CDKAL1: variants seen among roughly 807,000 people sequenced by gnomAD.
The protein encoded by CDKAL1 is CDKAL1 threonylcarbamoyladenosine tRNA methylthiotransferase, also known as threonylcarbamoyladenosine tRNA methylthiotransferase.
Under a neutral mutation model 68.2 loss-of-function variants are expected in CDKAL1, and 32 were observed. The ratio of observed to expected loss-of-function variants is 0.47; its 90% CI spans 0.35 to 0.63. CDKAL1 has a LOEUF of 0.63. Ranked by LOEUF, CDKAL1 falls within the 30% of genes least tolerant of loss-of-function variation. CDKAL1 has a pLI of 0.00. For missense variants in CDKAL1, 606 were observed against 696.7 expected, an observed-to-expected ratio of 0.87 and a Z score of 1.47; for synonymous variants, 234 against 244.3, an observed-to-expected ratio of 0.96 and a Z score of 0.39.
intron 8 of CDKAL1, among the ~76,000 whole-genome samples, chr6:20,789,228 G>A (rs958327472): frequency 2.6e-5 from 4 of 152,044 alleles, no homozygotes; most frequent in Non-Finnish European, 5.9e-5. Flanking sequence ...TGTCTTCAAC[G>A]GAATCCCAAA....
chr6:20,740,931 A>G (rs1262286945), intron 6 of CDKAL1, among the ~76,000 whole-genome samples: 1 of 152,210 alleles, frequency 6.6e-6, no homozygotes, highest in East Asian at 1.9e-4. Context: ...CTGCTGTGGT[A>G]GGGAAATAGG....
At chr6:20,542,214 A>G (rs1266265403) in intron 2 of CDKAL1, among the ~76,000 whole-genome samples, 4 of 152,244 alleles carry the variant, frequency 2.6e-5, no homozygotes, top group South Asian at 2.1e-4. Flanking sequence ...ATGGGAATCC[A>G]GCAAATGAGA....
At chr6:21,016,803 T>C (rs1051124535) in intron 11 of CDKAL1, among the ~76,000 whole-genome samples, 6 of 152,180 alleles carry the variant, frequency 3.9e-5, no homozygotes, top group Non-Finnish European at 5.9e-5. Context: ...AAATGACTCA[T>C]GTCTAACTTC....
chr6:20,639,920 T>G (rs1232332205), intron 4 of CDKAL1, among the ~76,000 whole-genome samples: 1 of 152,246 alleles, frequency 6.6e-6, no homozygotes, highest in African/African-American at 2.4e-5. Flanking sequence ...CCGCCCGCCT[T>G]GGCCTCCCAG....
chr6:20,988,182 A>ATGTGTGTGTGTGTGTGTGTG (rs58720900), intron 10 of CDKAL1, among the ~76,000 whole-genome samples: 88 of 137,498 alleles, frequency 6.4e-4, no homozygotes, highest in East Asian at 2.2e-3. Context: ...GAAACATAAT[A>ATGTGTGTGTGTGTGTGTGTG]TGTGTGTGTG....
intron 5 of CDKAL1, among the ~76,000 whole-genome samples, chr6:20,720,030 T>G (rs1772269988): frequency 6.6e-6 from 1 of 152,212 alleles, no homozygotes; most frequent in Non-Finnish European, 1.5e-5. Flanking sequence ...ACCTGTAGCC[T>G]TTCCGTAGTC....
intron 5 of CDKAL1, among the ~76,000 whole-genome samples, chr6:20,673,531 A>C (rs900730708): frequency 3.3e-5 from 5 of 152,156 alleles, no homozygotes; most frequent in African/African-American, 4.8e-5. Flanking sequence ...GGTTGGTTGA[A>C]TCCATGGATA....
At chr6:20,593,518 C>T (rs1349767994) in intron 4 of CDKAL1, among the ~76,000 whole-genome samples, 1 of 151,572 alleles carries the variant, frequency 6.6e-6, no homozygotes, top group Non-Finnish European at 1.5e-5. Context: ...GTGGTGATCT[C>T]CCCTTTATCA....
chr6:21,176,896 A>C (rs1777607200), intron 13 of CDKAL1, among the ~76,000 whole-genome samples: 1 of 151,584 alleles, frequency 6.6e-6, no homozygotes, highest in African/African-American at 2.4e-5. Flanking sequence ...ATGGGGTTTC[A>C]CCATCTTGGC....
At chr6:20,999,121 A>G (rs1767283767) in intron 10 of CDKAL1, among the ~76,000 whole-genome samples, 1 of 152,216 alleles carries the variant, frequency 6.6e-6, no homozygotes, top group African/African-American at 2.4e-5. Flanking sequence ...TTGAAAACTA[A>G]GAATCACTGG....
intron 11 of CDKAL1, among the ~76,000 whole-genome samples, chr6:21,010,831 C>T (rs1321732642): frequency 1.3e-5 from 2 of 152,120 alleles, no homozygotes; most frequent in Non-Finnish European, 2.9e-5. Context: ...CGCCTGTAAC[C>T]CCAGCACTTT....
At chr6:20,912,091 T>C (rs2150625566) in intron 9 of CDKAL1, among the ~76,000 whole-genome samples, 1 of 152,320 alleles carries the variant, frequency 6.6e-6, no homozygotes, top group Admixed American at 6.5e-5. Context: ...TCCACTGCCA[T>C]TTTGTTTTGA....
At chr6:21,108,484 G>C in intron 13 of CDKAL1, 21 bp downstream of exon 13, 1 of 1,488,884 alleles carries the variant, frequency 6.7e-7, no homozygotes, top group East Asian at 2.3e-5. Context: ...CATGTTAATA[G>C]CATATTAAGT....
intron 4 of CDKAL1, among the ~76,000 whole-genome samples, chr6:20,550,761 G>A (rs1763788194): frequency 6.6e-6 from 1 of 151,960 alleles, no homozygotes; most frequent in Non-Finnish European, 1.5e-5. Context: ...TTTGTGACAG[G>A]CACTGACCCG....
intron 8 of CDKAL1, among the ~76,000 whole-genome samples, chr6:20,823,554 A>G (rs146141003): frequency 1.8e-3 from 275 of 152,316 alleles, no homozygotes; most frequent in Middle Eastern, 6.8e-3. Context: ...ATTTTACATA[A>G]ACATGCTCTG....
chr6:21,136,860 T>C (rs1463299148), intron 13 of CDKAL1, among the ~76,000 whole-genome samples: 1 of 152,184 alleles, frequency 6.6e-6, no homozygotes, highest in African/African-American at 2.4e-5. Flanking sequence ...TGAACTCTGA[T>C]GTGTTATTTC....
At chr6:20,831,106 A>G (rs1777700117) in intron 8 of CDKAL1, among the ~76,000 whole-genome samples, 1 of 152,198 alleles carries the variant, frequency 6.6e-6, no homozygotes, top group Admixed American at 6.5e-5. Context: ...ATTTTAAATC[A>G]TTATAACTAG....
Position 20,846,014 on chromosome 6 carries a change from C to CA in CDKAL1, c.639-60dup, listed in dbSNP as rs1490178136. 15 of 1,000,646 alleles carry CA rather than the reference C, an allele frequency of 1.5e-5. 1 individual carries two copies. The East Asian group carries it at 3.7e-4, about 25-fold the overall frequency. The allele number at this position is 1,000,646 out of a possible 1,614,324, so 62.0% of individuals were successfully genotyped here. A position where few individuals can be genotyped will look rare whatever the true frequency, so the allele number is the denominator to read the frequency against. On this transcript the variant is annotated intron_variant, in intron 8 of 15. Transcript: ENST00000274695. ...TTTTGTGTATGTTTTGAGGTATCCC[C>CA]ATGTTAAGTATATGCTATCTTTAGA...
chr6:20,767,900 CACTT>C (rs1242508202), intron 7 of CDKAL1, among the ~76,000 whole-genome samples: 1 of 152,118 alleles, frequency 6.6e-6, no homozygotes, highest in Non-Finnish European at 1.5e-5. Context: ...AGAGAAAACT[CACTT>C]GGAGACTTCA....
Sources: allele counts gnomAD v4.1 joint callset (sites outside exome capture counted in the v4.1 genomes callset), GRCh38; gene constraint gnomAD v4.1.1; transcripts MANE v1.5; gene names NCBI Gene and HGNC (gene_info 2026-07-23, HGNC 2026-07-21).